The following LAMA1 variants were observed in gnomAD, a reference collection of about 807,000 sequenced individuals.
LAMA1 encodes the protein laminin subunit alpha 1.
Under a neutral mutation model 348.7 loss-of-function variants are expected in LAMA1, and 219 were observed. The observed-to-expected ratio is 0.63, with a 90% confidence interval of 0.56 to 0.70. LAMA1 has a LOEUF of 0.70. Among genes scored for constraint, LAMA1 ranks in the 30% least tolerant of loss-of-function variants. LAMA1 has a pLI of 0.00. For synonymous variants in LAMA1, 1,487 were observed against 1,491.0 expected (o/e 1.00, Z 0.06); for missense variants, 3,744 against 3,888.0 (o/e 0.96, Z 0.99).
At chr18:6,945,433 G>T (rs1367317154) in intron 61 of LAMA1, among the ~76,000 whole-genome samples, 1 of 152,152 alleles carries the variant, frequency 6.6e-6, no homozygotes, top group Non-Finnish European at 1.5e-5. Flanking sequence ...CCAGCGGGGA[G>T]TAAGTAGGGA....
chr18:7,098,098 G>A (rs1453138375), intron 1 of LAMA1, among the ~76,000 whole-genome samples: 7 of 150,006 alleles, frequency 4.7e-5, no homozygotes, highest in African/African-American at 2.4e-5. Context: ...TAATCCGCCA[G>A]CCTCAGCCTC....
intron 48 of LAMA1, among the ~76,000 whole-genome samples, chr18:6,970,836 C>T (rs1021525422): frequency 6.6e-6 from 1 of 152,124 alleles, no homozygotes; most frequent in African/African-American, 2.4e-5. Flanking sequence ...TGGTATCGAA[C>T]TCCTAACCTC....
chr18:6,992,742 T>A, intron 35 of LAMA1, 22 bp from the exon 36 acceptor site: 1 of 1,600,862 alleles, frequency 6.2e-7, no homozygotes, highest in Non-Finnish European at 8.6e-7. Context: ...ATTCATCAAT[T>A]ATTTAATAAG....
At chr18:6,988,282 A>G (rs941359528) in intron 36 of LAMA1, among the ~76,000 whole-genome samples, 1 of 152,254 alleles carries the variant, frequency 6.6e-6, no homozygotes, top group Non-Finnish European at 1.5e-5. Context: ...TAGCAAAATT[A>G]ACAGAGGAAA....
chr18:6,990,754 A>G (rs2057755186), intron 36 of LAMA1, among the ~76,000 whole-genome samples: 1 of 152,082 alleles, frequency 6.6e-6, no homozygotes, highest in Non-Finnish European at 1.5e-5. Flanking sequence ...CCGACTGTCC[A>G]AATTCCACCT....
At chr18:6,980,446 G>T (rs2057705998) in intron 42 of LAMA1, 75 bp downstream of exon 42, 3 of 1,027,326 alleles carry the variant, frequency 2.9e-6, no homozygotes, top group African/African-American at 1.6e-5. Flanking sequence ...CTTGAGGCAG[G>T]ACTTCCTTAT....
chr18:7,024,469 G>C lies in LAMA1; in HGVS notation c.2403-3C>G, dbSNP rs1280428069. On this transcript the variant is annotated splice_polypyrimidine_tract_variant and splice_region_variant and intron_variant, in intron 17 of 62. Coordinates refer to ENST00000389658, the MANE Select transcript of LAMA1 (RefSeq NM_005559.4). ...TGAGGTGGCAGGTGGGGCTGAAACT[G>C]TCAAAACATTAGAAATGAACAAAAT... 1.2e-6 allele frequency: 2 copies of C among 1,612,758 alleles called. No individual in the cohort carries two copies. The highest frequency in any genetic ancestry group is 1.7e-6 in the Non-Finnish European group (2 of 1,179,094).
chr18:7,068,835 T>C (rs1031728325), intron 3 of LAMA1, among the ~76,000 whole-genome samples: 1 of 152,120 alleles, frequency 6.6e-6, no homozygotes, highest in African/African-American at 2.4e-5. Context: ...AACTGCACTA[T>C]ATTTTTCAAA....
intron 1 of LAMA1, among the ~76,000 whole-genome samples, chr18:7,093,280 G>A (rs930759134): frequency 1.3e-5 from 2 of 152,126 alleles, no homozygotes; most frequent in African/African-American, 4.8e-5. Context: ...GCCGGGCGGG[G>A]TGGCGGGCGC....
intron 57 of LAMA1, among the ~76,000 whole-genome samples, chr18:6,951,739 C>A (rs916485010): frequency 6.6e-6 from 1 of 152,052 alleles, no homozygotes; most frequent in African/African-American, 2.4e-5. Context: ...ACCAGGGTGG[C>A]GGTGGGGACT....
chr18:7,007,404 A>G (rs1410596909), intron 28 of LAMA1, 128 bp from the exon 29 acceptor site: 8 of 850,890 alleles, frequency 9.4e-6, no homozygotes, highest in East Asian at 5.4e-5. Context: ...CGACATCTCT[A>G]TCAGAGAAAT....
chr18:7,011,052 G>C (rs1001909213), intron 25 of LAMA1, among the ~76,000 whole-genome samples: 2 of 152,266 alleles, frequency 1.3e-5, no homozygotes, highest in Non-Finnish European at 1.5e-5. Context: ...TCTGTTGAAT[G>C]ACTGCTTTAG....
chr18:7,068,826 A>C (rs1388032052), intron 3 of LAMA1, among the ~76,000 whole-genome samples: 3 of 152,178 alleles, frequency 2.0e-5, no homozygotes, highest in Non-Finnish European at 4.4e-5. Context: ...TGGATACCAA[A>C]CTGCACTATA....
chr18:7,030,514 C>T (rs114792861), intron 16 of LAMA1, among the ~76,000 whole-genome samples: 237 of 152,204 alleles, frequency 1.6e-3, no homozygotes, highest in African/African-American at 5.4e-3. Context: ...CGTGCTACTT[C>T]TTCATTCTGA....
At chr18:6,977,367 C>T (rs551203643) in intron 44 of LAMA1, among the ~76,000 whole-genome samples, 1 of 152,314 alleles carries the variant, frequency 6.6e-6, no homozygotes, top group Non-Finnish European at 1.5e-5. Context: ...AGAACTAACA[C>T]CACATGCAAC....
chr18:6,962,609 TG>T (rs2144010277), intron 51 of LAMA1, among the ~76,000 whole-genome samples: 1 of 152,326 alleles, frequency 6.6e-6, no homozygotes, highest in East Asian at 1.9e-4. Flanking sequence ...GCTACTTGGA[TG>T]GCTACCTACA....
chr18:6,974,994 A>C lies in LAMA1; in HGVS notation c.6532T>G (p.Phe2178Val). 6.2e-7 allele frequency: 1 copy of C among 1,614,084 alleles called. No homozygotes were observed. ...AVEMRRGRVAFLWDLGSGSTR... is the reference protein window; with the variant it reads ...AVEMRRGRVAVLWDLGSGSTR... ...GACCCGGAGCCCAGGTCCCACAGGA[A>C]GGCCACTCTCCCTCGCCGCATCTCC... Residue 2178 changes from phenylalanine to valine, a missense_variant, in exon 46 of 63, where the codon TTC becomes GTC. Transcript: ENST00000389658.
chr18:6,979,115 A>G (rs1423214940), intron 42 of LAMA1, among the ~76,000 whole-genome samples: 2 of 152,192 alleles, frequency 1.3e-5, no homozygotes, highest in Non-Finnish European at 2.9e-5. Flanking sequence ...ACTTTTCTGT[A>G]GGCTCGAAAT....
intron 1 of LAMA1, among the ~76,000 whole-genome samples, chr18:7,084,750 T>C (rs915156259): frequency 6.6e-6 from 1 of 152,162 alleles, no homozygotes; most frequent in Non-Finnish European, 1.5e-5. Flanking sequence ...AAACATTAGG[T>C]GAAAAACGGC....
Sources: allele counts gnomAD v4.1 joint callset (sites outside exome capture counted in the v4.1 genomes callset), GRCh38; gene constraint gnomAD v4.1.1; transcripts MANE v1.5; gene names NCBI Gene and HGNC (gene_info 2026-07-23, HGNC 2026-07-21).